UNC80: variants seen among roughly 807,000 people sequenced by gnomAD.
UNC80 encodes the protein protein unc-80 homolog.
Under a neutral mutation model 384.6 loss-of-function variants are expected in UNC80, and 164 were observed. The observed-to-expected ratio is 0.43, with a 90% confidence interval of 0.38 to 0.49. The LOEUF (loss-of-function observed/expected upper bound fraction) is 0.49. UNC80 is among the 20% of genes least tolerant of loss of function. The pLI, the probability that UNC80 is intolerant of heterozygous loss-of-function variation, is 0.00. For synonymous variants in UNC80, 1,486 were observed against 1,527.8 expected (o/e 0.97, Z 0.64); for missense variants, 3,330 against 4,143.0 (o/e 0.80, Z 5.39).
chr2:209,865,577 C>A (rs2083683525), intron 22 of UNC80, among the ~76,000 whole-genome samples: 2 of 149,208 alleles, frequency 1.3e-5, no homozygotes, highest in Non-Finnish European at 1.5e-5. Context: ...ACTCCAGCTC[C>A]GTCTCAGAAA....
rs530435589 is a variant in UNC80, at chr2:209,907,431, C to T, written c.4782+2466C>T. Among the ~76,000 whole-genome samples the T allele has an allele frequency of 7.2e-5, 11 of 152,172 alleles. No homozygotes were observed. In the East Asian group the frequency reaches 1.5e-3, roughly 21 times the overall value. ...TAAGTGAAATAATGGAGAGCTACAC[C>T]GTGCTAAGAGAGCTTATGAATGAGG... On this transcript the variant is annotated intron_variant, in intron 29 of 64. Coordinates refer to ENST00000673920, the MANE Select transcript of UNC80 (RefSeq NM_001371986.1).
chr2:209,982,198 C>T lies in UNC80; in HGVS notation c.9138C>T (p.Pro3046=), dbSNP rs1421866313. Residue 3046 remains proline, a synonymous_variant, in exon 60 of 65, where the codon CCC becomes CCT. Transcript: ENST00000673920. Reference sequence around the variant, plus strand: ...TTTTAGATGACTCTATAAGCATGCCCAGCGTGGTAAGTGAACAAGAAGCTT... The same window carrying T: ...TTTTAGATGACTCTATAAGCATGCCTAGCGTGGTAAGTGAACAAGAAGCTT... The part of the protein sequence containing the change: ...EDEENDSISM[P]SVVSEQEAYL... The T allele has an allele frequency of 2.6e-6, 4 of 1,551,460 alleles. No homozygotes were observed. Among genetic ancestry groups the T allele is most frequent in the Non-Finnish European group, 2.6e-6 (3 of 1,146,890 alleles).
intron 52 of UNC80, chr2:209,969,093 T>C (rs2092811728): frequency 6.6e-6 from 1 of 152,198 alleles, no homozygotes; most frequent in South Asian, 2.1e-4. Flanking sequence ...TTAATATCAG[T>C]AAAGCCCAAG....
intron 18 of UNC80, among the ~76,000 whole-genome samples, chr2:209,836,637 A>T (rs1275176961): frequency 1.3e-5 from 2 of 152,204 alleles, no homozygotes; most frequent in African/African-American, 4.8e-5. Flanking sequence ...CAAACATGGA[A>T]CTTTTTCATG....
chr2:209,964,073 C>T (rs2092675270), intron 51 of UNC80, among the ~76,000 whole-genome samples: 1 of 152,194 alleles, frequency 6.6e-6, no homozygotes, highest in Admixed American at 6.5e-5. Context: ...GGATGCCTAT[C>T]AAAATCAGCT....
At chr2:209,889,251 A>T (rs919059498) in intron 26 of UNC80, among the ~76,000 whole-genome samples, 3 of 152,248 alleles carry the variant, frequency 2.0e-5, no homozygotes, top group Non-Finnish European at 4.4e-5. Context: ...AGAATGACCT[A>T]GAAAAGTTAT....
Position 209,875,917 on chromosome 2 carries a change from C to T in UNC80, c.3841-2037C>T, listed in dbSNP as rs771863891. Among the ~76,000 whole-genome samples, 22 of 151,790 alleles carry T rather than the reference C, an allele frequency of 1.4e-4. 1 individual carries two copies. The highest frequency in any genetic ancestry group is 2.8e-4 in the Non-Finnish European group (19 of 67,944). On this transcript the variant is annotated intron_variant, in intron 23 of 64. Coordinates refer to ENST00000673920, the MANE Select transcript of UNC80 (RefSeq NM_001371986.1). ...TTTTGGGGTACAAGCAGTTTTTGAC[C>T]ACATAGATGAATTAATTTTATAGCA...
chr2:209,825,186 C>G (rs2080424320), intron 13 of UNC80, among the ~76,000 whole-genome samples: 1 of 152,160 alleles, frequency 6.6e-6, no homozygotes, highest in South Asian at 2.1e-4. Flanking sequence ...TCCTTAGCAA[C>G]TGCTTCCTTA....
At position 209,849,512 on chromosome 2, in the gene UNC80, G is replaced by A; in HGVS notation, c.3516G>A (p.Val1172=). Residue 1172 remains valine (V), a synonymous_variant, in exon 22 of 65, where the codon GTG becomes GTA. Transcript: ENST00000673920. ...AAGATGGTGGAAAAAGCAAAAACGTGGTGAATCTTGGAGCAATCCGACAAG... is the reference window on the plus strand; with the variant it reads ...AAGATGGTGGAAAAAGCAAAAACGTAGTGAATCTTGGAGCAATCCGACAAG... ...PNQDGGKSKN[V]VNLGAIRQGM... 1 of 1,551,002 alleles carries A rather than the reference G, an allele frequency of 6.4e-7. No homozygotes were observed. Among genetic ancestry groups the A allele is most frequent in the African/African-American group, 1.4e-5 (1 of 73,072 alleles).
In UNC80 at chr2:209,840,557, G is replaced by A; in HGVS notation, c.3266G>A (p.Arg1089Lys). The A allele has an allele frequency of 3.9e-6, 6 of 1,551,734 alleles. No individual in the cohort carries two copies. The highest frequency in any genetic ancestry group is 5.2e-6 in the Non-Finnish European group (6 of 1,146,942). ...LKLPIGNWLK[R>K]SSLSGLADGV... ...TATTAAATAGGGAACTGGCTGAAGAGATCATCCCTCTCAGGCCTGGCAGAT... is the reference window on the plus strand; with the variant it reads ...TATTAAATAGGGAACTGGCTGAAGAAATCATCCCTCTCAGGCCTGGCAGAT... The change falls in exon 20 of 65, where the codon AGA becomes AAA. Residue 1089 changes from arginine (R) to lysine (K), a missense_variant. This residue lies in a region of UNC80 where 801 missense variants were observed against 950.8 expected (regional missense o/e 0.84). Transcript: ENST00000673920.
chr2:209,846,631 A>C (rs2082190495), intron 21 of UNC80, among the ~76,000 whole-genome samples: 1 of 152,138 alleles, frequency 6.6e-6, no homozygotes, highest in Non-Finnish European at 1.5e-5. Flanking sequence ...ATAAAAATGC[A>C]TTCTACGTAA....
chr2:209,823,576 A>G (rs2080292054), intron 13 of UNC80, among the ~76,000 whole-genome samples: 1 of 152,138 alleles, frequency 6.6e-6, no homozygotes, highest in African/African-American at 2.4e-5. Flanking sequence ...TTCTCCACCT[A>G]GAGGGGTGCC....
At chr2:209,885,999 G>A (rs1482944255) in intron 25 of UNC80, among the ~76,000 whole-genome samples, 1 of 151,916 alleles carries the variant, frequency 6.6e-6, no homozygotes, top group Non-Finnish European at 1.5e-5. Flanking sequence ...TCCTGGCCTC[G>A]TGATCGGCCT....
rs563718008 is a variant in UNC80, at chr2:209,839,285, C to A, written c.3105C>A (p.Ser1035=). 3.4e-5 allele frequency: 52 copies of A among 1,551,560 alleles called. No homozygotes were observed. The East Asian group carries it at 1.2e-3, about 36-fold the overall frequency. ...ATTTCTGGCGTAAGATGTTCAAGTC[C>A]CAGAGTGCAGCAAGTGACACCAGCA... ...RKDFWRKMFK[S]QSAASDTSSQ... The change falls in exon 19 of 65, where the codon TCC becomes TCA. Residue 1035 remains serine, a synonymous_variant. Transcript: ENST00000673920. The surrounding 1 kb of genome is among the most constrained non-coding windows in gnomAD (Gnocchi z 4.1).
intron 7 of UNC80, chr2:209,809,146 T>C: frequency 1.7e-6 from 1 of 596,642 alleles, no homozygotes; most frequent in Non-Finnish European, 3.0e-6. Flanking sequence ...AGCTTCTTCC[T>C]TGGAGGCGGA....
intron 24 of UNC80, 120 bp downstream of exon 24, chr2:209,878,209 C>G: frequency 9.5e-7 from 1 of 1,048,094 alleles, no homozygotes; most frequent in Non-Finnish European, 1.3e-6. Flanking sequence ...TTCCACTGCT[C>G]CTTCTCCCCT....
intron 47 of UNC80, among the ~76,000 whole-genome samples, chr2:209,947,875 C>G (rs2091983545): frequency 6.6e-6 from 1 of 152,054 alleles, no homozygotes; most frequent in Non-Finnish European, 1.5e-5. Context: ...ATCCTGATTT[C>G]TAATATGATA....
intron 63 of UNC80, 28 bp from the exon 64 acceptor site, chr2:209,994,037 C>G (rs2093440459): frequency 1.3e-6 from 2 of 1,528,626 alleles, no homozygotes; most frequent in Non-Finnish European, 8.8e-7. Context: ...AACTCCTCCC[C>G]AATTTACTGT....
intron 13 of UNC80, among the ~76,000 whole-genome samples, chr2:209,825,033 T>C (rs1413836526): frequency 6.6e-6 from 1 of 152,162 alleles, no homozygotes; most frequent in Non-Finnish European, 1.5e-5. Context: ...AGTTAACTTA[T>C]CTAACATCAT....
Sources: gnomAD v4.1 joint callset for allele counts (sites outside exome capture counted in the v4.1 genomes callset) on GRCh38, gnomAD v4.1.1 for gene constraint, gnomAD v4.1.1 regional missense constraint, Gnocchi (gnomAD v3.1) non-coding constraint, MANE v1.5 for transcripts, NCBI Gene and HGNC (gene_info 2026-07-23, HGNC 2026-07-21) for gene names.